Variants in OSBPL10 observed in about 807,000 individuals in gnomAD.
OSBPL10 encodes oxysterol binding protein like 10.
In OSBPL10, 49 loss-of-function variants were observed where a neutral mutation model predicts 81.7. The ratio of observed to expected loss-of-function variants is 0.60; its 90% CI spans 0.48 to 0.76. The LOEUF (loss-of-function observed/expected upper bound fraction) is 0.76, where lower values mean the gene tolerates loss of function less well. OSBPL10 is among the 30% of genes least tolerant of loss of function. The probability of loss-of-function intolerance (pLI) is 0.00; values close to 1 mark genes in which losing one functional copy is unlikely to be tolerated. For missense variants in OSBPL10, 923 were observed against 987.8 expected, an observed-to-expected ratio of 0.93 and a Z score of 0.88; for synonymous variants, 419 against 383.6, an observed-to-expected ratio of 1.09 and a Z score of -1.08.
intron 1 of OSBPL10, among the ~76,000 whole-genome samples, chr3:31,907,612 T>C (rs1248966224): frequency 2.6e-5 from 2 of 77,112 alleles, no homozygotes; most frequent in Non-Finnish European, 4.3e-5. Context: ...GGGTGAGACC[T>C]CCATCTCAAA....
At chr3:31,856,816 C>T (rs1700923026) in intron 3 of OSBPL10, among the ~76,000 whole-genome samples, 1 of 152,196 alleles carries the variant, frequency 6.6e-6, no homozygotes, top group Non-Finnish European at 1.5e-5. Flanking sequence ...TGGCTCATGC[C>T]TGTAATCCCA....
At chr3:31,939,788 T>C (rs1697485968) in intron 1 of OSBPL10, among the ~76,000 whole-genome samples, 2 of 152,126 alleles carry the variant, frequency 1.3e-5, no homozygotes, top group South Asian at 4.1e-4. Flanking sequence ...TACTTCACTG[T>C]TTTTCAAACT....
intron 2 of OSBPL10, among the ~76,000 whole-genome samples, chr3:31,999,870 G>A (rs1211290982): frequency 1.3e-5 from 2 of 152,080 alleles, no homozygotes; most frequent in South Asian, 2.1e-4. Flanking sequence ...TCACAAAACC[G>A]GGCCTGAAAA....
intron 4 of OSBPL10, among the ~76,000 whole-genome samples, chr3:31,770,914 C>T (rs546854989): frequency 1.3e-5 from 2 of 152,280 alleles, no homozygotes; most frequent in African/African-American, 4.8e-5. Flanking sequence ...ACCCCATTCT[C>T]CCCATTCTAG....
chr3:31,675,524 G>C (rs1700445720), intron 8 of OSBPL10, among the ~76,000 whole-genome samples: 1 of 152,182 alleles, frequency 6.6e-6, no homozygotes, highest in African/African-American at 2.4e-5. Context: ...GATGGAGAAG[G>C]CGATTCTAAA....
intron 2 of OSBPL10, among the ~76,000 whole-genome samples, chr3:31,992,793 A>G (rs1348348514): frequency 1.3e-5 from 2 of 152,238 alleles, no homozygotes; most frequent in African/African-American, 2.4e-5. Context: ...TGGGATTTCA[A>G]GACCAGCTTG....
intron 1 of OSBPL10, among the ~76,000 whole-genome samples, chr3:31,969,129 C>T (rs116304701): frequency 1.3e-5 from 2 of 152,136 alleles, no homozygotes; most frequent in African/African-American, 4.8e-5. Flanking sequence ...AACTCAGACA[C>T]ACAAGAATCC....
chr3:31,814,124 G>T (rs1027277936), intron 4 of OSBPL10, among the ~76,000 whole-genome samples: 1 of 152,166 alleles, frequency 6.6e-6, no homozygotes, highest in Non-Finnish European at 1.5e-5. Flanking sequence ...CTACTCCTGT[G>T]CCTGACAAGC....
chr3:31,782,591 G>A (rs1286336351), intron 4 of OSBPL10, among the ~76,000 whole-genome samples: 1 of 152,044 alleles, frequency 6.6e-6, no homozygotes, highest in African/African-American at 2.4e-5. Flanking sequence ...AAATGAATCA[G>A]CAAGAAAAAA....
At chr3:31,912,416 C>A (rs1696607959) in intron 1 of OSBPL10, among the ~76,000 whole-genome samples, 2 of 149,318 alleles carry the variant, frequency 1.3e-5, no homozygotes, top group Admixed American at 6.7e-5. Context: ...AAAATTAAGG[C>A]AAAATAGTGA....
At chr3:32,041,893 C>T (rs1407992440) in intron 2 of OSBPL10, among the ~76,000 whole-genome samples, 2 of 152,154 alleles carry the variant, frequency 1.3e-5, no homozygotes, top group Non-Finnish European at 2.9e-5. Flanking sequence ...CTCCTGACCT[C>T]AGGTGATCTG....
At chr3:31,795,284 A>G (rs1699170947) in intron 4 of OSBPL10, among the ~76,000 whole-genome samples, 1 of 151,854 alleles carries the variant, frequency 6.6e-6, no homozygotes, top group Admixed American at 6.6e-5. Context: ...GGCTGGGATC[A>G]CAGGCGCCTG....
chr3:31,924,299 G>A (rs1378774830), intron 1 of OSBPL10, among the ~76,000 whole-genome samples: 1 of 151,998 alleles, frequency 6.6e-6, no homozygotes, highest in African/African-American at 2.4e-5. Context: ...GAAAAGGAAA[G>A]GGACTCTGGA....
At chr3:31,946,790 C>G (rs1697714499) in intron 1 of OSBPL10, among the ~76,000 whole-genome samples, 1 of 152,142 alleles carries the variant, frequency 6.6e-6, no homozygotes, top group Admixed American at 6.5e-5. Context: ...CAGGAAGTCA[C>G]CCAAGAGTTT....
chr3:31,662,209 C>T (rs1262828597), intron 11 of OSBPL10, 93 bp from the exon 12 acceptor site: 14 of 1,594,448 alleles, frequency 8.8e-6, no homozygotes, highest in African/African-American at 4.0e-5. Flanking sequence ...GTGTGTCTGC[C>T]GTGTCTTAAT....
At chr3:31,980,787 G>A (rs1468627782) in intron 1 of OSBPL10, 112 bp downstream of exon 1, 2 of 1,307,342 alleles carry the variant, frequency 1.5e-6, no homozygotes, top group Non-Finnish European at 2.0e-6. Flanking sequence ...TGGGTTCGCT[G>A]AAGGCACAAT....
intron 2 of OSBPL10, among the ~76,000 whole-genome samples, chr3:32,011,976 C>A (rs1321587048): frequency 1.3e-5 from 2 of 152,162 alleles, no homozygotes; most frequent in Admixed American, 6.5e-5. Context: ...ATTGGTGTAC[C>A]TGAAAGTGAC....
intron 1 of OSBPL10, among the ~76,000 whole-genome samples, chr3:31,891,902 T>C (rs1261028191): frequency 6.6e-6 from 1 of 152,178 alleles, no homozygotes; most frequent in African/African-American, 2.4e-5. Context: ...AATTCACTCA[T>C]TTGTTTTCGG....
At chr3:31,972,432 TAAC>T (rs556533450) in intron 1 of OSBPL10, among the ~76,000 whole-genome samples, 1 of 152,030 alleles carries the variant, frequency 6.6e-6, no homozygotes, top group South Asian at 2.1e-4. Flanking sequence ...AGACTCTACT[TAAC>T]AACCAAAAAG....
Sources: gnomAD v4.1 joint callset for allele counts (sites outside exome capture counted in the v4.1 genomes callset) on GRCh38, gnomAD v4.1.1 for gene constraint, MANE v1.5 for transcripts, NCBI Gene and HGNC (gene_info 2026-07-23, HGNC 2026-07-21) for gene names.